ATP5MC3: variants seen among roughly 807,000 people sequenced by gnomAD.
ATP5MC3 encodes ATP synthase F(0) complex subunit C3, mitochondrial.
A neutral mutation model predicts 15.6 loss-of-function variants in ATP5MC3; 6 were observed. The observed-to-expected ratio is 0.38, with a 90% CI of 0.21 to 0.76. The LOEUF (loss-of-function observed/expected upper bound fraction) is 0.76. Ranked by LOEUF, ATP5MC3 falls within the 30% of genes least tolerant of loss-of-function variation. The probability of loss-of-function intolerance (pLI) is 0.44; values close to 1 mark genes in which losing one functional copy is unlikely to be tolerated. For missense variants in ATP5MC3, 132 were observed against 171.2 expected, an observed-to-expected ratio of 0.77 and a Z score of 1.28; for synonymous variants, 66 against 63.3, an observed-to-expected ratio of 1.04 and a Z score of -0.20.
At chr2:175,180,614 C>A (rs1351805167) in intron 2 of ATP5MC3, among the ~76,000 whole-genome samples, 1 of 152,070 alleles carries the variant, frequency 6.6e-6, no homozygotes, top group African/African-American at 2.4e-5. Flanking sequence ...TTCTATATGA[C>A]CATTAATCAT....
chr2:175,178,424 T>G (rs1469286640), intron 4 of ATP5MC3, 22 bp from the exon 5 acceptor site: 3 of 1,572,108 alleles, frequency 1.9e-6, no homozygotes. Flanking sequence ...CACATATGAC[T>G]GTTACTTTGA....
chr2:175,178,194 A>G lies in ATP5MC3; in HGVS notation c.*94T>C. ...GACTTTGGAAATAACGTACATTCCC[A>G]TGACACCAATACTACAGTTTTCGGA... On this transcript the variant is annotated 3_prime_UTR_variant, in exon 5 of 5. Coordinates refer to ENST00000284727, the MANE Select transcript of ATP5MC3 (RefSeq NM_001689.5). The G allele has an allele frequency of 6.7e-7, 1 of 1,498,708 alleles. No individual in the cohort carries two copies. Among genetic ancestry groups the G allele is most frequent in the Non-Finnish European group, 8.9e-7 (1 of 1,127,714 alleles). The allele number at this position is 1,498,708 out of a possible 1,614,324, so 92.8% of individuals were successfully genotyped here.
intron 4 of ATP5MC3, chr2:175,178,730 G>A (rs1700724793): frequency 8.6e-7 from 1 of 1,161,272 alleles, no homozygotes; most frequent in Non-Finnish European, 1.1e-6. Flanking sequence ...TAAGGAATGT[G>A]CTCTAATAAT....
rs370822498 is a variant in ATP5MC3, at chr2:175,178,095, C to G, written c.*193G>C. 67 of 1,152,640 alleles carry G rather than the reference C, an allele frequency of 5.8e-5. 2 individuals carry two copies. In the East Asian group the frequency reaches 8.4e-4, roughly 14 times the overall value. The allele number at this position is 1,152,640 out of a possible 1,614,324, so 71.4% of individuals were successfully genotyped here. ...GACAGCATCTGCCTGAATGCACGTT[C>G]TTCTTTGTGATAATCTAAACTTAGT... On this transcript the variant is annotated 3_prime_UTR_variant, in exon 5 of 5. Transcript: ENST00000284727.
chr2:175,181,263 C>T lies in ATP5MC3; in HGVS notation c.39+92G>A, dbSNP rs940882579. 3.3e-5 allele frequency: 48 copies of T among 1,465,144 alleles called. No homozygotes were observed. The Admixed American group carries it at 6.8e-4, about 21-fold the overall frequency. The allele number at this position is 1,465,144 out of a possible 1,614,324, so 90.8% of individuals were successfully genotyped here. ...AAGCCGTTCCCGAGAGGGCGGTGTGCCCCGCCCGAAGGTTGCCCCATTCAA... is the reference window on the plus strand; with the variant it reads ...AAGCCGTTCCCGAGAGGGCGGTGTGTCCCGCCCGAAGGTTGCCCCATTCAA... On this transcript the variant is annotated intron_variant, in intron 2 of 4. Coordinates refer to ENST00000284727, the MANE Select transcript of ATP5MC3 (RefSeq NM_001689.5).
chr2:175,178,207 T>A lies in ATP5MC3; in HGVS notation c.*81A>T, dbSNP rs1263878932. The A allele has an allele frequency of 2.0e-6, 3 of 1,533,660 alleles. No homozygotes were observed. In the East Asian group the frequency reaches 6.9e-5, roughly 35 times the overall value. On this transcript the variant is annotated 3_prime_UTR_variant, in exon 5 of 5. Coordinates refer to ENST00000284727, the MANE Select transcript of ATP5MC3 (RefSeq NM_001689.5). The stretch of plus-strand genomic sequence containing the variant: ...ACGTACATTCCCATGACACCAATAC[T>A]ACAGTTTTCGGAGTCACAGTAAGAT...
intron 2 of ATP5MC3, among the ~76,000 whole-genome samples, chr2:175,181,143 G>A (rs1700762771): frequency 6.6e-6 from 1 of 152,260 alleles, no homozygotes; most frequent in African/African-American, 2.4e-5. Context: ...CTGACAGCTA[G>A]GCCTCGGCTG....
intron 4 of ATP5MC3, 148 bp from the exon 5 acceptor site, chr2:175,178,550 TCTC>T: frequency 7.2e-7 from 1 of 1,395,452 alleles, no homozygotes; most frequent in African/African-American, 1.5e-5. Flanking sequence ...CTTACACTAT[TCTC>T]CTTCAATCCT....
At chr2:175,181,219 G>A (rs1179793013) in intron 2 of ATP5MC3, 136 bp downstream of exon 2, 1 of 1,074,858 alleles carries the variant, frequency 9.3e-7, no homozygotes, top group Non-Finnish European at 1.3e-6. Context: ...AAACGGCAAT[G>A]GGTTAATAGG....
Position 175,179,125 on chromosome 2 carries a change from T to A in ATP5MC3, c.246A>T (p.Thr82=). The A allele has an allele frequency of 6.2e-7, 1 of 1,614,214 alleles. No homozygotes were observed. The highest frequency in any genetic ancestry group is 1.1e-5 in the South Asian group (1 of 91,088). ...CAGCACCAGAACCAGCCACTCCTAC[T>A]GTTGCAGCACCTGCACCAATAAATT... ...AAKFIGAGAA[T]VGVAGSGAGI... The change falls in exon 4 of 5, where the codon ACA becomes ACT. Residue 82 remains threonine (T), a synonymous_variant. Transcript: ENST00000284727.
intron 4 of ATP5MC3, chr2:175,178,763 A>T: frequency 8.6e-7 from 1 of 1,167,274 alleles, no homozygotes; most frequent in Non-Finnish European, 1.1e-6. Context: ...ATAGCTTAAC[A>T]ATTAGGAATG....
rs1700728285 is a variant in ATP5MC3 at position 175,178,999 on chromosome 2, C to A, written c.314+58G>T. The A allele has an allele frequency of 4.4e-6, 7 of 1,575,248 alleles. No individual in the cohort carries two copies. In the South Asian group the frequency reaches 4.6e-5, roughly 10 times the overall value. ...TGCAAAGTAGCTATTATTTCAGTAG[C>A]TAAGTTTCCAACTACTGCAAGCATG... is the stretch of plus-strand genomic sequence containing the variant. On this transcript the variant is annotated intron_variant, in intron 4 of 4. Transcript: ENST00000284727.
At chr2:175,178,980 G>C in intron 4 of ATP5MC3, 77 bp downstream of exon 4, 1 of 1,552,420 alleles carries the variant, frequency 6.4e-7, no homozygotes, top group Non-Finnish European at 8.7e-7. Context: ...TTAATGCAAA[G>C]TAGCTATTAT....
At chr2:175,180,244 TTTC>T in intron 2 of ATP5MC3, 66 bp from the exon 3 acceptor site, 2 of 1,225,104 alleles carry the variant, frequency 1.6e-6, no homozygotes, top group Non-Finnish European at 2.2e-6. Flanking sequence ...TTCAATGACT[TTTC>T]TGGTACCATG....
chr2:175,181,275 G>A, intron 2 of ATP5MC3, 80 bp downstream of exon 2: 2 of 1,527,552 alleles, frequency 1.3e-6, no homozygotes, highest in South Asian at 1.2e-5. Context: ...CCGCCCGAAG[G>A]TTGCCCCATT....
At chr2:175,181,619 C>G (rs565838820) in intron 1 of ATP5MC3, 37 bp downstream of exon 1, 2 of 556,316 alleles carry the variant, frequency 3.6e-6, no homozygotes, top group Non-Finnish European at 6.3e-6. Context: ...CGCCGCTCCG[C>G]CCTGGCCAGG....
intron 2 of ATP5MC3, among the ~76,000 whole-genome samples, chr2:175,180,548 ACATTTATCATT>A (rs1700754506): frequency 6.6e-6 from 1 of 152,224 alleles, no homozygotes; most frequent in South Asian, 2.1e-4. Flanking sequence ...GTCACAATAA[ACATTTATCATT>A]CAAAATAGCC....
Position 175,178,173 on chromosome 2 carries a change from T to G in ATP5MC3, c.*115A>C, listed in dbSNP as rs1062650. The G allele has an allele frequency of 3.6e-5, 52 of 1,458,004 alleles. No individual in the cohort carries two copies. In the African/African-American group the frequency reaches 5.3e-4, roughly 15 times the overall value. The allele number at this position is 1,458,004 out of a possible 1,614,324, so 90.3% of individuals were successfully genotyped here. ...AGTTTTCATCTTTAATGAAATGACTTTGGAAATAACGTACATTCCCATGAC... is the reference window on the plus strand; with the variant it reads ...AGTTTTCATCTTTAATGAAATGACTGTGGAAATAACGTACATTCCCATGAC... On this transcript the variant is annotated 3_prime_UTR_variant, in exon 5 of 5. Transcript: ENST00000284727.
At chr2:175,180,949 T>C (rs1404186846) in intron 2 of ATP5MC3, among the ~76,000 whole-genome samples, 1 of 152,178 alleles carries the variant, frequency 6.6e-6, no homozygotes, top group East Asian at 1.9e-4. Flanking sequence ...AGCAACGAGT[T>C]TGACCTACAG....
Sources: gnomAD v4.1 joint callset for allele counts (sites outside exome capture counted in the v4.1 genomes callset) on GRCh38, gnomAD v4.1.1 for gene constraint, MANE v1.5 for transcripts, NCBI Gene and HGNC (gene_info 2026-07-23, HGNC 2026-07-21) for gene names.